The following ANTXRL variants were observed in gnomAD, a reference collection of about 807,000 sequenced individuals.
ANTXRL encodes the protein ANTXR like.
ANTXRL carries 63 observed loss-of-function variants against 75.4 expected under a neutral mutation model. The ratio of observed to expected loss-of-function variants is 0.84; its 90% CI spans 0.68 to 1.03. ANTXRL has a LOEUF of 1.03. Among genes scored for constraint, ANTXRL ranks in the 50% least tolerant of loss-of-function variants. The pLI is 0.00. For missense variants in ANTXRL, 797 were observed against 789.4 expected (o/e 1.01, Z -0.12); for synonymous variants, 335 against 291.3 (o/e 1.15, Z -1.53).
At chr10:46,310,546 A>G (rs1554963226) in intron 14 of ANTXRL, 47 bp downstream of exon 14, 1 of 1,521,802 alleles carries the variant, frequency 6.6e-7, no homozygotes, top group East Asian at 2.4e-5. Flanking sequence ...CAAGGAGCCC[A>G]CTGACCTTCA....
chr10:46,297,970 C>T (rs782143833), intron 8 of ANTXRL, 32 bp from the exon 9 acceptor site: 77 of 1,535,592 alleles, frequency 5.0e-5, no homozygotes, highest in Non-Finnish European at 1.2e-5. Flanking sequence ...AGCTCACTCT[C>T]CCTGTCCCGC....
intron 10 of ANTXRL, among the ~76,000 whole-genome samples, chr10:46,303,131 C>T (rs541939591): frequency 3.5e-4 from 54 of 152,290 alleles, no homozygotes; most frequent in African/African-American, 1.3e-3. Flanking sequence ...CTCAGTTTCC[C>T]CTTCCCTTGA....
intron 15 of ANTXRL, among the ~76,000 whole-genome samples, chr10:46,312,019 T>C (rs2999435): frequency 0.47 from 67,916 of 144,922 alleles, 21,630 homozygotes; most frequent in African/African-American, 0.71. Context: ...TTTAGACCAC[T>C]TGCCTGCAGG....
intron 15 of ANTXRL, among the ~76,000 whole-genome samples, chr10:46,312,966 C>G (rs1554963862): frequency 6.6e-6 from 1 of 152,204 alleles, no homozygotes; most frequent in Non-Finnish European, 1.5e-5. Flanking sequence ...ACAGGCTCCT[C>G]CTGTCTTTGG....
At chr10:46,301,791 A>T (rs1229244372) in intron 9 of ANTXRL, among the ~76,000 whole-genome samples, 6 of 152,228 alleles carry the variant, frequency 3.9e-5, no homozygotes, top group African/African-American at 1.4e-4. Context: ...GGCAGGAAGC[A>T]GGGTTCACAG....
chr10:46,327,937 A>G (rs879969780), intron 16 of ANTXRL, among the ~76,000 whole-genome samples: 1 of 152,192 alleles, frequency 6.6e-6, no homozygotes, highest in Non-Finnish European at 1.5e-5. Context: ...TCAGCGCCAC[A>G]TCACAGATGG....
At chr10:46,306,663 A>G (rs1838105134) in intron 10 of ANTXRL, 140 bp from the exon 11 acceptor site, 5 of 619,558 alleles carry the variant, frequency 8.1e-6, no homozygotes, top group East Asian at 3.2e-5. Flanking sequence ...GGGTGCTTGC[A>G]GGGGTCTGTG....
intron 16 of ANTXRL, among the ~76,000 whole-genome samples, chr10:46,313,628 A>T (rs1314511277): frequency 6.6e-6 from 1 of 152,110 alleles, no homozygotes; most frequent in Non-Finnish European, 1.5e-5. Context: ...GACCATAGGG[A>T]GGACCAAATT....
intron 1 of ANTXRL, among the ~76,000 whole-genome samples, chr10:46,289,922 T>C (rs1836913079): frequency 6.6e-6 from 1 of 152,170 alleles, no homozygotes; most frequent in South Asian, 2.1e-4. Flanking sequence ...CTTTTCTGTC[T>C]GACCTTTTTC....
chr10:46,305,603 T>G (rs12411752), intron 10 of ANTXRL, among the ~76,000 whole-genome samples: 44,764 of 151,694 alleles, frequency 0.3, 6,239 homozygotes, highest in African/African-American at 0.39. Flanking sequence ...GGTAGAGAGC[T>G]GGAGCCAGGC....
chr10:46,315,015 C>A (rs1330344864), intron 16 of ANTXRL, among the ~76,000 whole-genome samples: 2 of 152,188 alleles, frequency 1.3e-5, no homozygotes, highest in African/African-American at 4.8e-5. Flanking sequence ...AGATTTCTGT[C>A]GGATACCCAA....
intron 16 of ANTXRL, 125 bp downstream of exon 16, chr10:46,313,441 C>G (rs1838547893): frequency 9.9e-7 from 1 of 1,005,104 alleles, no homozygotes; most frequent in Non-Finnish European, 1.5e-6. Flanking sequence ...CGGCACAAGA[C>G]ACACAGAAAC....
chr10:46,287,353 C>A lies in ANTXRL; in HGVS notation c.91C>A (p.Arg31=). The A allele has an allele frequency of 2.0e-6, 3 of 1,536,010 alleles. No individual in the cohort carries two copies. Among genetic ancestry groups the A allele is most frequent in the Non-Finnish European group, 2.6e-6 (3 of 1,146,778 alleles). ...ACCGCTTTTTAGAGCAGGAAGCCTT[C>A]GGTACCATGGACCTGACTGGAGAAT... ...PPPLFRAGSL[R]YHGPDWRIFH... is the part of the protein sequence containing the mutation. Residue 31 remains arginine (R), a synonymous_variant, in exon 1 of 17, where the codon CGG becomes AGG. Transcript: ENST00000620264.
At position 46,287,396 on chromosome 10, in the gene ANTXRL, TG is replaced by T; in HGVS notation, c.137del (p.Gly46AlafsTer42). 6.5e-7 allele frequency: 1 copy of T among 1,536,014 alleles called. No homozygotes were observed. Among genetic ancestry groups the T allele is most frequent in the Non-Finnish European group, 8.7e-7 (1 of 1,146,762 alleles). On this transcript the variant is annotated frameshift_variant, in exon 1 of 17. Coordinates refer to ENST00000620264, the MANE Select transcript of ANTXRL (RefSeq NM_001278688.3). LOFTEE classifies it high-confidence loss of function. Reference protein sequence around the residue: ...PDWRIFHRLALGSRRAHHHHG... With the variant: ...PDWRIFHRLAXGSRRAHHHHG... Reference sequence around the variant, plus strand: ...TGGAGAATATTTCACCGCCTGGCCCTGGGCTCCAGGAGAGCCCACCACCACC... The same window carrying T: ...TGGAGAATATTTCACCGCCTGGCCCTGGCTCCAGGAGAGCCCACCACCACC...
intron 1 of ANTXRL, among the ~76,000 whole-genome samples, chr10:46,291,007 T>A (rs1374314395): frequency 1.3e-5 from 2 of 152,134 alleles, no homozygotes; most frequent in Non-Finnish European, 2.9e-5. Flanking sequence ...TCCAAAAAAA[T>A]CCCCAAATCT....
At chr10:46,327,036 C>T (rs1283261628) in intron 16 of ANTXRL, among the ~76,000 whole-genome samples, 4 of 152,070 alleles carry the variant, frequency 2.6e-5, no homozygotes, top group Non-Finnish European at 1.5e-5. Flanking sequence ...GCTTTGGGAC[C>T]AGGATGCTCC....
chr10:46,314,791 G>C (rs1158542571), intron 16 of ANTXRL, among the ~76,000 whole-genome samples: 3 of 152,086 alleles, frequency 2.0e-5, no homozygotes, highest in African/African-American at 7.2e-5. Flanking sequence ...GCAAAATAGA[G>C]GCCCAGAGTG....
At chr10:46,315,920 T>A (rs552978813) in intron 16 of ANTXRL, among the ~76,000 whole-genome samples, 148 of 152,258 alleles carry the variant, frequency 9.7e-4, no homozygotes, top group African/African-American at 3.5e-3. Context: ...CCCTGCTCCA[T>A]CACCTTCAGT....
At chr10:46,312,210 C>T (rs1346972829) in intron 15 of ANTXRL, among the ~76,000 whole-genome samples, 1 of 151,628 alleles carries the variant, frequency 6.6e-6, no homozygotes, top group East Asian at 1.9e-4. Flanking sequence ...GTGGGCTTGT[C>T]GCCTGCTGAG....
Sources: gnomAD v4.1 joint callset for allele counts (sites outside exome capture counted in the v4.1 genomes callset) on GRCh38, gnomAD v4.1.1 for gene constraint, MANE v1.5 for transcripts, NCBI Gene and HGNC (gene_info 2026-07-23, HGNC 2026-07-21) for gene names.